The following SLC2A14 variants were observed in gnomAD, a reference collection of about 807,000 sequenced individuals.
SLC2A14 encodes solute carrier family 2 member 14.
SLC2A14 carries 13 observed loss-of-function variants against 43.0 expected under a neutral mutation model. That is an observed-to-expected ratio of 0.30 (90% CI 0.20 to 0.48). The LOEUF (loss-of-function observed/expected upper bound fraction) is 0.48, where lower values mean the gene tolerates loss of function less well. Ranked by LOEUF, SLC2A14 falls within the 20% of genes least tolerant of loss-of-function variation. SLC2A14 has a pLI of 0.99. For synonymous variants in SLC2A14, 190 were observed against 233.8 expected, an observed-to-expected ratio of 0.81 and a Z score of 1.71; for missense variants, 428 against 620.4, an observed-to-expected ratio of 0.69 and a Z score of 3.29.
chr12:7,839,354 C>T (rs1331440332), intron 2 of SLC2A14, among the ~76,000 whole-genome samples: 18 of 150,740 alleles, frequency 1.2e-4, no homozygotes, highest in African/African-American at 4.4e-4. Flanking sequence ...ACGCAGACAC[C>T]AAAAGGAGGA....
upstream of SLC2A14, among the ~76,000 whole-genome samples, chr12:7,873,798 G>A (rs1264184003): frequency 1.3e-5 from 2 of 152,044 alleles, no homozygotes; most frequent in Admixed American, 1.3e-4. Context: ...ATCATCCCCT[G>A]CTGCCCCATT....
intron 2 of SLC2A14, among the ~76,000 whole-genome samples, chr12:7,859,287 G>A (rs1048981730): frequency 6.6e-6 from 1 of 152,090 alleles, no homozygotes; most frequent in Non-Finnish European, 1.5e-5. Flanking sequence ...CTACTCAGGA[G>A]GCTGAGGCAG....
chr12:7,833,288 G>C (rs1160658784), intron 2 of SLC2A14, among the ~76,000 whole-genome samples: 1 of 152,176 alleles, frequency 6.6e-6, no homozygotes, highest in Non-Finnish European at 1.5e-5. Flanking sequence ...GTAGTAGTTT[G>C]TGTCTTCACT....
intron 7 of SLC2A14, among the ~76,000 whole-genome samples, chr12:7,825,634 G>A (rs1235377052): frequency 3.3e-5 from 5 of 149,480 alleles, no homozygotes; most frequent in African/African-American, 1.2e-4. Context: ...ATGGTGGCAC[G>A]TGCCTGTAGT....
intron 1 of SLC2A14, among the ~76,000 whole-genome samples, chr12:7,881,316 T>C (rs1338748619): frequency 6.6e-6 from 1 of 151,984 alleles, no homozygotes; most frequent in Non-Finnish European, 1.5e-5. Context: ...CGCGCGGTGC[T>C]TGCGGGCCAG....
At chr12:7,817,780 A>ATAGATAGATAGG (rs71038773) in intron 10 of SLC2A14, 51 bp downstream of exon 10, 13 of 1,590,594 alleles carry the variant, frequency 8.2e-6, no homozygotes, top group Non-Finnish European at 1.1e-5. Flanking sequence ...AGATAGATAG[A>ATAGATAGATAGG]CAGATACATA....
intron 2 of SLC2A14, among the ~76,000 whole-genome samples, chr12:7,842,816 C>T (rs948562529): frequency 1.3e-5 from 2 of 151,720 alleles, no homozygotes; most frequent in Admixed American, 1.3e-4. Context: ...GCAACCTCCG[C>T]CTCCCGCGTT....
chr12:7,876,663 T>C (rs1322695770), upstream of SLC2A14, among the ~76,000 whole-genome samples: 1 of 152,120 alleles, frequency 6.6e-6, no homozygotes, highest in African/African-American at 2.4e-5. Flanking sequence ...TGCAGCATTA[T>C]TCACAATAGC....
chr12:7,861,238 T>C (rs981382048), intron 2 of SLC2A14, among the ~76,000 whole-genome samples: 7 of 152,096 alleles, frequency 4.6e-5, no homozygotes, highest in Admixed American at 2.0e-4. Flanking sequence ...TTTGGAGCAA[T>C]AGTCTTTTTT....
chr12:7,878,423 G>A (rs922321038), upstream of SLC2A14, among the ~76,000 whole-genome samples: 6 of 150,480 alleles, frequency 4.0e-5, no homozygotes, highest in South Asian at 2.1e-4. Context: ...CATGCCTAGC[G>A]AATTTTTGTA....
chr12:7,820,669 CA>C lies in SLC2A14; in HGVS notation c.969+551del, dbSNP rs760142091. Among the ~76,000 whole-genome samples, 27 of 152,288 alleles carry C rather than the reference CA, an allele frequency of 1.8e-4. 1 individual carries two copies. The highest frequency in any genetic ancestry group is 3.8e-4 in the African/African-American group (16 of 41,576). On this transcript the variant is annotated intron_variant, in intron 8 of 10. Transcript: ENST00000431042. ...AAAGTTTTTCCAAACACCTCTCCTC[CA>C]ATTCCAAGTTCAAAACATACTGTAT...
intron 2 of SLC2A14, among the ~76,000 whole-genome samples, chr12:7,854,358 C>T (rs1867178391): frequency 6.6e-6 from 1 of 152,120 alleles, no homozygotes; most frequent in African/African-American, 2.4e-5. Context: ...CTCCAAAATA[C>T]TCTTAGATTC....
At chr12:7,853,976 A>G (rs1416785710) in intron 2 of SLC2A14, among the ~76,000 whole-genome samples, 1 of 152,176 alleles carries the variant, frequency 6.6e-6, no homozygotes, top group Non-Finnish European at 1.5e-5. Flanking sequence ...ACTTTCTGAT[A>G]ACTAGAGCTA....
intron 2 of SLC2A14, among the ~76,000 whole-genome samples, chr12:7,854,493 T>C (rs1473001056): frequency 6.6e-6 from 1 of 152,202 alleles, no homozygotes; most frequent in Non-Finnish European, 1.5e-5. Flanking sequence ...TTTTTGTTTG[T>C]TTGTTTGCTT....
In SLC2A14 at chr12:7,842,737, G is replaced by GT. The variant is rs955138923; in HGVS notation, c.19-9924dup. On this transcript the variant is annotated intron_variant, in intron 2 of 10. Transcript: ENST00000431042. ...TTCTTTTTCTCTTTTTTTTTTTTTTGTTTTTTTTGTGATGGAGTTTCGCTC... is the reference window on the plus strand; with the variant it reads ...TTCTTTTTCTCTTTTTTTTTTTTTTGTTTTTTTTTGTGATGGAGTTTCGCTC... Among the ~76,000 whole-genome samples, 25 of 96,784 alleles carry GT rather than the reference G, an allele frequency of 2.6e-4. No homozygotes were observed. The East Asian group carries it at 3.6e-3, about 14-fold the overall frequency. The allele number at this position is 96,784 out of a possible 152,430, so 63.5% of individuals were successfully genotyped here.
At chr12:7,883,766 G>A (rs1945636760) in intron 1 of SLC2A14, among the ~76,000 whole-genome samples, 1 of 146,962 alleles carries the variant, frequency 6.8e-6, no homozygotes, top group Admixed American at 6.9e-5. Flanking sequence ...TGTGTTTTTA[G>A]TAGAGACAAG....
chr12:7,826,751 A>G (rs1175460753), intron 7 of SLC2A14, among the ~76,000 whole-genome samples: 1 of 152,000 alleles, frequency 6.6e-6, no homozygotes, highest in African/African-American at 2.4e-5. Context: ...TTCTACTTGT[A>G]AAAACATAGA....
chr12:7,875,192 T>TTATATTTAAA (rs1290283660), upstream of SLC2A14, among the ~76,000 whole-genome samples: 82 of 135,862 alleles, frequency 6.0e-4, 3 homozygotes, highest in South Asian at 0.012. Flanking sequence ...TATATAAATA[T>TTATATTTAAA]ATTAAAATAT....
At chr12:7,842,720 C>G (rs1866073151) in intron 2 of SLC2A14, among the ~76,000 whole-genome samples, 2 of 146,146 alleles carry the variant, frequency 1.4e-5, no homozygotes, top group Admixed American at 1.4e-4. Context: ...CTTTCTTTTT[C>G]TCTTTTTTTT....
Sources: allele counts gnomAD v4.1 joint callset (sites outside exome capture counted in the v4.1 genomes callset), GRCh38; gene constraint gnomAD v4.1.1; transcripts MANE v1.5; gene names NCBI Gene and HGNC (gene_info 2026-07-23, HGNC 2026-07-21).